KRAS: variants seen among roughly 807,000 people sequenced by gnomAD.
KRAS encodes KRas proto-oncogene, GTPase, also known as GTPase KRas.
KRAS carries 1 observed loss-of-function variant against 21.0 expected under a neutral mutation model. The observed-to-expected ratio is 0.05, with a 90% confidence interval of 0.02 to 0.23. The LOEUF is 0.23. KRAS is among the 10% of genes least tolerant of loss of function. The pLI, the probability that KRAS is intolerant of heterozygous loss-of-function variation, is 1.00. For missense variants in KRAS, 107 were observed against 221.8 expected, an observed-to-expected ratio of 0.48 and a Z score of 3.29; for synonymous variants, 67 against 72.5, an observed-to-expected ratio of 0.92 and a Z score of 0.39.
At chr12:25,219,716 T>C (rs777008634) in intron 4 of KRAS, among the ~76,000 whole-genome samples, 11 of 152,196 alleles carry the variant, frequency 7.2e-5, no homozygotes, top group Admixed American at 2.6e-4. Flanking sequence ...TCATGTACTA[T>C]TGAAATGCAG....
At chr12:25,233,679 A>C (rs1565887502) in intron 2 of KRAS, 1 of 210,036 alleles carries the variant, frequency 4.8e-6, no homozygotes. Context: ...AAATTGTTTA[A>C]GTCTATATCC....
intron 4 of KRAS, chr12:25,215,667 T>C (rs1042597214): frequency 1.1e-6 from 1 of 927,810 alleles, no homozygotes; most frequent in African/African-American, 1.6e-5. Context: ...AGATTTTTTT[T>C]TTTTTAAACA....
rs191137453 is a variant in KRAS at position 25,206,964 on chromosome 12, A to G, written c.*2831T>C. Reference sequence around the variant, plus strand: ...CAATATAATCAAGTTTATTCCTTTAAAACAATGAAGTGATTTACATAAAGT... The same window carrying G: ...CAATATAATCAAGTTTATTCCTTTAGAACAATGAAGTGATTTACATAAAGT... On this transcript the variant is annotated 3_prime_UTR_variant, in exon 5 of 5. Transcript: ENST00000311936. 361 of 205,622 alleles carry G rather than the reference A, an allele frequency of 1.8e-3. No individual in the cohort carries two copies. Among genetic ancestry groups the G allele is most frequent in the Non-Finnish European group, 3.3e-3 (328 of 100,510 alleles). The allele number at this position is 205,622 out of a possible 1,614,324, so 12.7% of individuals were successfully genotyped here.
At position 25,240,087 on chromosome 12, in the gene KRAS, A is replaced by T. The variant is rs187161141; in HGVS notation, c.111+5187T>A. 1.4e-3 allele frequency among the ~76,000 whole-genome samples: 220 copies of T among 152,252 alleles called. 1 individual carries two copies. Among genetic ancestry groups the T allele is most frequent in the African/African-American group, 4.8e-3 (201 of 41,540 alleles). On this transcript the variant is annotated intron_variant, in intron 2 of 4. Transcript: ENST00000311936. ...TTCAAACCTATAGAAAAGTAGTAAA[A>T]AATAGTACAGCGAATAGCCTCAGCC...
chr12:25,220,255 T>G (rs528916785), intron 4 of KRAS, among the ~76,000 whole-genome samples: 1 of 152,338 alleles, frequency 6.6e-6, no homozygotes, highest in Admixed American at 6.5e-5. Context: ...TAACAGTCCT[T>G]ATACACTAGG....
intron 4 of KRAS, among the ~76,000 whole-genome samples, chr12:25,214,721 G>A (rs1951235114): frequency 6.6e-6 from 1 of 152,072 alleles, no homozygotes; most frequent in East Asian, 1.9e-4. Context: ...TATCTCTCCG[G>A]TTTCACAATG....
At chr12:25,226,875 A>G (rs1333298195) in intron 3 of KRAS, among the ~76,000 whole-genome samples, 1 of 152,230 alleles carries the variant, frequency 6.6e-6, no homozygotes, top group African/African-American at 2.4e-5. Flanking sequence ...AGACTGTTAA[A>G]GTGACACCAT....
chr12:25,239,936 G>C (rs1340996778), intron 2 of KRAS, among the ~76,000 whole-genome samples: 1 of 151,564 alleles, frequency 6.6e-6, no homozygotes, highest in Non-Finnish European at 1.5e-5. Context: ...CTGGGCAACA[G>C]AGCGAGACTC....
chr12:25,250,875 C>CGCCGCCGCCACT lies in KRAS; in HGVS notation c.-148_-137dup, dbSNP rs727504386. On this transcript the variant is annotated 5_prime_UTR_variant, in exon 1 of 5. Transcript: ENST00000311936. The stretch of plus-strand genomic sequence containing the variant: ...GTACTGGCCGAGCCGCCGCCACCTT[C>CGCCGCCGCCACT]GCCGCCGCCACTGCCGCCGCCGCTG... 3.2e-5 allele frequency: 8 copies of CGCCGCCGCCACT among 249,220 alleles called. No individual in the cohort carries two copies. Among genetic ancestry groups the CGCCGCCGCCACT allele is most frequent in the African/African-American group, 9.0e-5 (4 of 44,466 alleles). 15.4% of individuals were successfully genotyped at this position (249,220 alleles called of 1,614,324 possible).
chr12:25,229,305 G>C (rs964976190), intron 2 of KRAS, among the ~76,000 whole-genome samples: 2 of 152,112 alleles, frequency 1.3e-5, no homozygotes, highest in Admixed American at 6.6e-5. Flanking sequence ...TAATTGTCAT[G>C]CATCTATTTT....
chr12:25,241,878 T>C (rs1053817046), intron 2 of KRAS, among the ~76,000 whole-genome samples: 11 of 152,178 alleles, frequency 7.2e-5, no homozygotes, highest in African/African-American at 2.4e-4. Flanking sequence ...ACTAAAGATA[T>C]ATGTATAAAC....
At chr12:25,214,151 G>A (rs1404379735) in intron 4 of KRAS, among the ~76,000 whole-genome samples, 2 of 152,032 alleles carry the variant, frequency 1.3e-5, no homozygotes, top group African/African-American at 4.8e-5. Flanking sequence ...GGGGAATCAT[G>A]AGAGTGTTAG....
rs1257851732 is a variant in KRAS, at chr12:25,246,564, AAC to A, written c.-11-1171_-11-1170del. On this transcript the variant is annotated intron_variant, in intron 1 of 4. Transcript: ENST00000311936. ...CGGAGTAAGACTCCATCTCAAAACA[AAC>A]AAACAAACAAAAAGATTAGAGATAA... Among the ~76,000 whole-genome samples the A allele has an allele frequency of 2.0e-5, 3 of 151,912 alleles. No homozygotes were observed. The East Asian group carries it at 5.8e-4, about 29-fold the overall frequency.
chr12:25,238,796 A>G (rs924998981), intron 2 of KRAS, among the ~76,000 whole-genome samples: 11 of 152,198 alleles, frequency 7.2e-5, no homozygotes, highest in Non-Finnish European at 8.8e-5. Flanking sequence ...TTATTCACCC[A>G]TTCTCTATTG....
intron 1 of KRAS, among the ~76,000 whole-genome samples, chr12:25,246,760 T>TA (rs1209792866): frequency 2.0e-5 from 3 of 151,484 alleles, no homozygotes; most frequent in Non-Finnish European, 4.4e-5. Flanking sequence ...ACTAAAAATA[T>TA]AAAAAAATTA....
chr12:25,229,309 C>G (rs754878015), intron 2 of KRAS, among the ~76,000 whole-genome samples: 3 of 152,090 alleles, frequency 2.0e-5, no homozygotes, highest in Non-Finnish European at 4.4e-5. Context: ...TGTCATGCAT[C>G]TATTTTATCT....
At chr12:25,241,171 T>C (rs889608800) in intron 2 of KRAS, among the ~76,000 whole-genome samples, 2 of 152,160 alleles carry the variant, frequency 1.3e-5, no homozygotes, top group African/African-American at 4.8e-5. Flanking sequence ...ACTCACCTAC[T>C]TAGTTAGGCC....
chr12:25,242,054 A>C (rs1164539039), intron 2 of KRAS, among the ~76,000 whole-genome samples: 2 of 152,244 alleles, frequency 1.3e-5, no homozygotes, highest in African/African-American at 4.8e-5. Context: ...AAATTAAAAT[A>C]AACCTTGGTA....
Position 25,208,591 on chromosome 12 carries a change from T to G in KRAS, c.*1204A>C, listed in dbSNP as rs1021217034. 1 of 232,734 alleles carries G rather than the reference T, an allele frequency of 4.3e-6. No individual in the cohort carries two copies. The highest frequency in any genetic ancestry group is 8.5e-6 in the Non-Finnish European group (1 of 117,756). 14.4% of individuals were successfully genotyped at this position (232,734 alleles called of 1,614,324 possible). A position where few individuals can be genotyped will look rare whatever the true frequency, so the allele number is the denominator to read the frequency against. ...TTTAAAAGTAATTTTTAAAAAAGAG[T>G]TTGTTTTCTTAAGAAACAAAAGCAA... On this transcript the variant is annotated 3_prime_UTR_variant, in exon 5 of 5. Transcript: ENST00000311936.
Sources: allele counts gnomAD v4.1 joint callset (sites outside exome capture counted in the v4.1 genomes callset), GRCh38; gene constraint gnomAD v4.1.1; transcripts MANE v1.5; gene names NCBI Gene and HGNC (gene_info 2026-07-23, HGNC 2026-07-21).